MARCHF6: variants seen among roughly 807,000 people sequenced by gnomAD.
The protein encoded by MARCHF6 is membrane associated ring-CH-type finger 6, also known as E3 ubiquitin-protein ligase MARCHF6.
MARCHF6 carries 31 observed loss-of-function variants against 133.7 expected under a neutral mutation model. The ratio of observed to expected loss-of-function variants is 0.23; its 90% CI spans 0.17 to 0.31. The LOEUF is 0.31. MARCHF6 is among the 10% of genes least tolerant of loss of function. The pLI, the probability that MARCHF6 is intolerant of heterozygous loss-of-function variation, is 1.00. For synonymous variants in MARCHF6, 395 were observed against 402.5 expected (o/e 0.98, Z 0.22); for missense variants, 723 against 1,121.6 (o/e 0.64, Z 5.08).
At position 10,414,513 on chromosome 5, in the gene MARCHF6, G is replaced by A. The variant is rs1739397697; in HGVS notation, c.1966+11G>A. 2 of 1,602,742 alleles carry A rather than the reference G, an allele frequency of 1.2e-6. No individual in the cohort carries two copies. The highest frequency in any genetic ancestry group is 4.5e-5 in the East Asian group (2 of 44,824). ...GCCTTACTTTACCAGGTATGAGCTTGTGCTAGCCTTCAGCTAATAGCATCA... is the reference window on the plus strand; with the variant it reads ...GCCTTACTTTACCAGGTATGAGCTTATGCTAGCCTTCAGCTAATAGCATCA... On this transcript the variant is annotated intron_variant, in intron 20 of 25. Transcript: ENST00000274140.
chr5:10,364,435 T>C (rs1443215947), intron 1 of MARCHF6, among the ~76,000 whole-genome samples: 1 of 152,222 alleles, frequency 6.6e-6, no homozygotes, highest in Non-Finnish European at 1.5e-5. Flanking sequence ...CTACTGATAG[T>C]GTGGCAGGAG....
At chr5:10,418,826 A>G (rs1211531103) in intron 22 of MARCHF6, among the ~76,000 whole-genome samples, 1 of 152,220 alleles carries the variant, frequency 6.6e-6, no homozygotes. Flanking sequence ...TGGGAAAGCT[A>G]GACAGGTACA....
chr5:10,433,687 T>A lies in MARCHF6; in HGVS notation c.*3T>A. 1 of 1,613,462 alleles carries A rather than the reference T, an allele frequency of 6.2e-7. No homozygotes were observed. The highest frequency in any genetic ancestry group is 1.1e-5 in the South Asian group (1 of 91,066). On this transcript the variant is annotated 3_prime_UTR_variant, in exon 26 of 26. Coordinates refer to ENST00000274140, the MANE Select transcript of MARCHF6 (RefSeq NM_005885.4). ...CTCCACAGTCATCCCAAGAATAAAG[T>A]AGTTGTCTCAACAACTTGACCTTCC...
At chr5:10,364,055 TAAAAC>T (rs1170737963) in intron 1 of MARCHF6, among the ~76,000 whole-genome samples, 1 of 152,226 alleles carries the variant, frequency 6.6e-6, no homozygotes, top group African/African-American at 2.4e-5. Context: ...TAAATATACT[TAAAAC>T]AATTGAAGTC....
At chr5:10,421,100 A>G (rs1186847141) in intron 22 of MARCHF6, among the ~76,000 whole-genome samples, 1 of 152,224 alleles carries the variant, frequency 6.6e-6, no homozygotes, top group Admixed American at 6.5e-5. Flanking sequence ...TACAGTACTC[A>G]GCATTACTTC....
chr5:10,408,008 T>C (rs1739012178), intron 17 of MARCHF6, among the ~76,000 whole-genome samples: 2 of 146,220 alleles, frequency 1.4e-5, no homozygotes, highest in Admixed American at 1.4e-4. Context: ...CCAGTAATCT[T>C]TACCACTCAT....
rs1306886706 is a variant in MARCHF6, at chr5:10,402,471, T to G, written c.1122+19T>G. The G allele has an allele frequency of 2.5e-6, 4 of 1,613,218 alleles. No individual in the cohort carries two copies. In the African/African-American group the frequency reaches 4.0e-5, roughly 16 times the overall value. On this transcript the variant is annotated intron_variant, in intron 13 of 25. Coordinates refer to ENST00000274140, the MANE Select transcript of MARCHF6 (RefSeq NM_005885.4). ...TGTTAAGGTAATTCCTGTTATAACT[T>G]AAAATTGGAAATGATTTCTCCTACA... is the stretch of plus-strand genomic sequence containing the variant.
intron 1 of MARCHF6, among the ~76,000 whole-genome samples, chr5:10,360,421 G>A (rs1315711831): frequency 6.6e-6 from 1 of 152,110 alleles, no homozygotes; most frequent in African/African-American, 2.4e-5. Context: ...TTATAGGCGT[G>A]AGCCACCGCG....
chr5:10,417,870 T>C (rs1444647036), intron 22 of MARCHF6, among the ~76,000 whole-genome samples: 1 of 152,108 alleles, frequency 6.6e-6, no homozygotes, highest in Non-Finnish European at 1.5e-5. Context: ...TTTCAGAATA[T>C]GCAGGTCTTA....
rs1466845512 is a variant in MARCHF6 at position 10,391,672 on chromosome 5, A to G, written c.707A>G (p.Asn236Ser). The G allele has an allele frequency of 1.9e-6, 3 of 1,608,192 alleles. No homozygotes were observed. The highest frequency in any genetic ancestry group is 2.2e-5 in the East Asian group (1 of 44,520). The change falls in exon 7 of 26, where the codon AAT becomes AGT. Residue 236 changes from asparagine to serine, a missense_variant. Transcript: ENST00000274140. Reference sequence around the variant, plus strand: ...CAGGCAGAAGAGGAGGAGGAGGACAATGAGGAGGAAGATGACGCTGGTGTG... The same window carrying G: ...CAGGCAGAAGAGGAGGAGGAGGACAGTGAGGAGGAAGATGACGCTGGTGTG... The part of the protein sequence containing the change: ...DDQAEEEEED[N>S]EEEDDAGVED...
rs747508203 is a variant in MARCHF6 at position 10,407,103 on chromosome 5, T to G, written c.1454T>G (p.Ile485Ser). Residue 485 changes from isoleucine to serine, a missense_variant and splice_region_variant, in exon 17 of 26, where the codon ATT becomes AGT. This residue lies in a region of MARCHF6 where 492 missense variants were observed against 699.5 expected (regional missense o/e 0.70). Transcript: ENST00000274140. ...RHLRRFILSV[I>S]VFGSIVLLML... ...GTCATACCCTGTTTCCTTCTGCAGATTGTCTTTGGCTCCATTGTCCTCCTG... is the reference window on the plus strand; with the variant it reads ...GTCATACCCTGTTTCCTTCTGCAGAGTGTCTTTGGCTCCATTGTCCTCCTG... 24 of 1,594,804 alleles carry G rather than the reference T, an allele frequency of 1.5e-5. No homozygotes were observed. The Admixed American group carries it at 3.9e-4, about 26-fold the overall frequency.
rs1218589233 is a variant in MARCHF6, at chr5:10,439,589, C to G, written c.*5905C>G. The G allele has an allele frequency of 6.6e-6, 1 of 152,184 alleles. No homozygotes were observed. Among genetic ancestry groups the G allele is most frequent in the African/African-American group, 2.4e-5 (1 of 41,444 alleles). The allele number at this position is 152,184 out of a possible 1,614,324, so 9.4% of individuals were successfully genotyped here. A position where few individuals can be genotyped will look rare whatever the true frequency, so the allele number is the denominator to read the frequency against. On this transcript the variant is annotated 3_prime_UTR_variant, in exon 26 of 26. Transcript: ENST00000274140. ...TACATAAAGAAGTCTCAAAACTGAACAAGTAAACCCATTGTTTACTTAATC... is the reference window on the plus strand; with the variant it reads ...TACATAAAGAAGTCTCAAAACTGAAGAAGTAAACCCATTGTTTACTTAATC...
Position 10,403,431 on chromosome 5 carries a change from G to C in MARCHF6, c.1222G>C (p.Asp408His), listed in dbSNP as rs779813143. The change falls in exon 15 of 26, where the codon GAT becomes CAT. Residue 408 changes from aspartate to histidine, a missense_variant. This residue lies in a region of MARCHF6 where 492 missense variants were observed against 699.5 expected (regional missense o/e 0.70). Transcript: ENST00000274140. ...GGAAATGTTTGATGCTACTCTGAAA[G>C]ATCGAGAACTGAGCTTTCAGTCGGC... ...SLEMFDATLK[D>H]RELSFQSAPG... is the part of the protein sequence containing the mutation. 3 of 1,613,900 alleles carry C rather than the reference G, an allele frequency of 1.9e-6. No homozygotes were observed. Among genetic ancestry groups the C allele is most frequent in the Non-Finnish European group, 2.5e-6 (3 of 1,179,890 alleles).
At position 10,427,312 on chromosome 5, in the gene MARCHF6, A is replaced by G. The variant is rs530789599; in HGVS notation, c.2506+790A>G. On this transcript the variant is annotated intron_variant, in intron 24 of 25. Coordinates refer to ENST00000274140, the MANE Select transcript of MARCHF6 (RefSeq NM_005885.4). ...CTGCCATCACTAATTCCTTCTCCAC[A>G]CTGGGCACAATGACCTTTCAAAAGA... is the stretch of plus-strand genomic sequence containing the variant. 2.6e-5 allele frequency among the ~76,000 whole-genome samples: 4 copies of G among 152,202 alleles called. No homozygotes were observed. In the East Asian group the frequency reaches 5.8e-4, roughly 22 times the overall value.
At chr5:10,400,994 AT>A (rs1685765015) in intron 11 of MARCHF6, 152 bp downstream of exon 11, 2 of 610,336 alleles carry the variant, frequency 3.3e-6, no homozygotes, top group Admixed American at 3.0e-5. Flanking sequence ...TTTAAAAAAA[AT>A]AACAGTGGCT....
In MARCHF6 at chr5:10,434,604, G is replaced by A. The variant is rs1188287343; in HGVS notation, c.*920G>A. ...ATCTTTCAGAGTGACATCACCAACT[G>A]TACTGCATCTTACTGGATTTAGGAC... On this transcript the variant is annotated 3_prime_UTR_variant, in exon 26 of 26. Coordinates refer to ENST00000274140, the MANE Select transcript of MARCHF6 (RefSeq NM_005885.4). 6.6e-6 allele frequency: 1 copy of A among 151,888 alleles called. No individual in the cohort carries two copies. The highest frequency in any genetic ancestry group is 2.4e-5 in the African/African-American group (1 of 41,248). 9.4% of individuals were successfully genotyped at this position (151,888 alleles called of 1,614,324 possible).
chr5:10,366,462 A>G (rs1464910574), intron 1 of MARCHF6, among the ~76,000 whole-genome samples: 1 of 152,250 alleles, frequency 6.6e-6, no homozygotes, highest in Non-Finnish European at 1.5e-5. Flanking sequence ...CAACATTAAC[A>G]GTTACATGTG....
rs1198684029 is a variant in MARCHF6 at position 10,434,930 on chromosome 5, T to C, written c.*1246T>C. ...GAAAAATCTCAGAGAACTGAACCCT[T>C]ACAAACTTTGTTTTCCCTCATAACC... On this transcript the variant is annotated 3_prime_UTR_variant, in exon 26 of 26. Transcript: ENST00000274140. 6.5e-6 allele frequency: 1 copy of C among 152,678 alleles called. No homozygotes were observed. Among genetic ancestry groups the C allele is most frequent in the African/African-American group, 2.4e-5 (1 of 41,466 alleles). 9.5% of individuals were successfully genotyped at this position (152,678 alleles called of 1,614,324 possible).
At chr5:10,411,562 C>T (rs1004240794) in intron 19 of MARCHF6, 25 bp downstream of exon 19, 3 of 1,560,590 alleles carry the variant, frequency 1.9e-6, no homozygotes, top group Non-Finnish European at 8.7e-7. Flanking sequence ...GACTTAATCA[C>T]ATATAGAGGT....
Sources: gnomAD v4.1 joint callset for allele counts (sites outside exome capture counted in the v4.1 genomes callset) on GRCh38, gnomAD v4.1.1 for gene constraint, gnomAD v4.1.1 regional missense constraint, MANE v1.5 for transcripts, NCBI Gene and HGNC (gene_info 2026-07-23, HGNC 2026-07-21) for gene names.